Variants in PRKN observed in about 807,000 individuals in gnomAD.
The protein encoded by PRKN is parkin RBR E3 ubiquitin protein ligase.
In PRKN, 56 loss-of-function variants were observed where a neutral mutation model predicts 59.5. The observed-to-expected ratio is 0.94, with a 90% CI of 0.76 to 1.18. The LOEUF is 1.18. PRKN is among the 50% of genes most tolerant of loss of function. PRKN has a pLI of 0.00. For missense variants in PRKN, 657 were observed against 596.4 expected (o/e 1.10, Z -1.06); for synonymous variants, 250 against 222.1 (o/e 1.13, Z -1.12).
intron 6 of PRKN, among the ~76,000 whole-genome samples, chr6:161,913,091 C>T (rs1264918046): frequency 6.6e-6 from 1 of 150,492 alleles, no homozygotes; most frequent in Non-Finnish European, 1.5e-5. Context: ...GGAGAATTGC[C>T]CAGAGGCGGA....
chr6:162,141,247 C>T (rs1192540068), intron 4 of PRKN, among the ~76,000 whole-genome samples: 2 of 152,140 alleles, frequency 1.3e-5, no homozygotes, highest in African/African-American at 4.8e-5. Flanking sequence ...GACTTTCATG[C>T]AACTTCCCCA....
At chr6:162,325,128 A>T (rs1336896600) in intron 2 of PRKN, among the ~76,000 whole-genome samples, 2 of 152,212 alleles carry the variant, frequency 1.3e-5, no homozygotes, top group Non-Finnish European at 2.9e-5. Context: ...TGTTTTCAAC[A>T]ACTTTATTAG....
chr6:161,480,007 C>A lies in PRKN; in HGVS notation c.1083+68847G>T, dbSNP rs1035943198. Among the ~76,000 whole-genome samples the A allele has an allele frequency of 3.3e-5, 5 of 152,188 alleles. No individual in the cohort carries two copies. Among genetic ancestry groups the A allele is most frequent in the African/African-American group, 9.7e-5 (4 of 41,446 alleles). On this transcript the variant is annotated intron_variant, in intron 9 of 11. Transcript: ENST00000366898. This position sits in a 1 kb window ranked among gnomAD's most constrained non-coding sequence, Gnocchi z 4.1. ...CAGCACACAATTCCTTGCTCCCTTC[C>A]CTCTGGTGCGGGATCATGGAAGCCC...
chr6:162,315,167 T>G (rs1464055523), intron 2 of PRKN, among the ~76,000 whole-genome samples: 1 of 152,178 alleles, frequency 6.6e-6, no homozygotes, highest in Non-Finnish European at 1.5e-5. Context: ...TGTGTATAAT[T>G]GTTCTCTGTT....
intron 8 of PRKN, among the ~76,000 whole-genome samples, chr6:161,555,009 T>C (rs762923410): frequency 2.9e-4 from 44 of 152,140 alleles, no homozygotes; most frequent in Non-Finnish European, 5.6e-4. Flanking sequence ...AGGAAAGTTG[T>C]ACTGAATTTA....
intron 3 of PRKN, among the ~76,000 whole-genome samples, chr6:162,210,683 A>G (rs975428372): frequency 1.3e-5 from 2 of 152,192 alleles, no homozygotes; most frequent in Non-Finnish European, 2.9e-5. Flanking sequence ...AAATTTTTCT[A>G]GAATCATATT....
intron 5 of PRKN, among the ~76,000 whole-genome samples, chr6:161,987,966 G>C (rs1174044468): frequency 6.6e-6 from 1 of 152,148 alleles, no homozygotes; most frequent in South Asian, 2.1e-4. Flanking sequence ...GGCAAGAAGA[G>C]GAACTGTTAG....
intron 1 of PRKN, among the ~76,000 whole-genome samples, chr6:162,667,658 CTCTT>C (rs1779152043): frequency 6.6e-6 from 1 of 151,978 alleles, no homozygotes; most frequent in Non-Finnish European, 1.5e-5. Flanking sequence ...TTTGAGTTCC[CTCTT>C]TCTCACTTTT....
intron 6 of PRKN, among the ~76,000 whole-genome samples, chr6:161,833,966 T>C (rs1018336296): frequency 1.3e-5 from 2 of 152,180 alleles, no homozygotes; most frequent in Non-Finnish European, 2.9e-5. Context: ...TCTCAGAATC[T>C]ATGGGAAACC....
intron 3 of PRKN, among the ~76,000 whole-genome samples, chr6:162,212,226 T>A (rs1474271112): frequency 6.6e-6 from 1 of 152,136 alleles, no homozygotes; most frequent in African/African-American, 2.4e-5. Context: ...TGTAGCAGGC[T>A]GAGCTATCCC....
intron 3 of PRKN, among the ~76,000 whole-genome samples, chr6:162,237,475 C>T (rs1416914732): frequency 1.3e-5 from 2 of 152,136 alleles, no homozygotes; most frequent in East Asian, 3.9e-4. Flanking sequence ...TAAATGTTTG[C>T]AATGCCTCAG....
intron 4 of PRKN, among the ~76,000 whole-genome samples, chr6:162,078,525 A>G (rs1778926360): frequency 6.6e-6 from 1 of 152,102 alleles, no homozygotes; most frequent in African/African-American, 2.4e-5. Flanking sequence ...TTTAGATGAC[A>G]TTTACCATTC....
chr6:161,624,457 C>G (rs1376477232), intron 7 of PRKN, among the ~76,000 whole-genome samples: 1 of 152,220 alleles, frequency 6.6e-6, no homozygotes. Flanking sequence ...TGAATATAAA[C>G]TGGGGAGATG....
chr6:161,920,845 A>G (rs970998880), intron 6 of PRKN, among the ~76,000 whole-genome samples: 2 of 152,066 alleles, frequency 1.3e-5, no homozygotes, highest in Admixed American at 6.6e-5. Flanking sequence ...TGGAGCTTAC[A>G]GTACTCCAAG....
At position 161,545,248 on chromosome 6, in the gene PRKN, G is replaced by C; in HGVS notation, c.1083+3606C>G. On this transcript the variant is annotated intron_variant, in intron 9 of 11. Coordinates refer to ENST00000366898, the MANE Select transcript of PRKN (RefSeq NM_004562.3). This position sits in a 1 kb window ranked among gnomAD's most constrained non-coding sequence, Gnocchi z 4.1. The stretch of plus-strand genomic sequence containing the variant: ...AAATTAAGCACGGGTGAATTCACAG[G>C]CATCTTACAATAAATCTGTGAACCA... The C allele has an allele frequency of 7.2e-7, 1 of 1,384,204 alleles. No homozygotes were observed. Among genetic ancestry groups the C allele is most frequent in the Non-Finnish European group, 9.4e-7 (1 of 1,067,832 alleles). The allele number at this position is 1,384,204 out of a possible 1,614,324, so 85.7% of individuals were successfully genotyped here.
At chr6:162,213,761 G>A (rs896257191) in intron 3 of PRKN, among the ~76,000 whole-genome samples, 1 of 140,344 alleles carries the variant, frequency 7.1e-6, no homozygotes, top group African/African-American at 2.6e-5. Flanking sequence ...TGTATATTTT[G>A]TAGAATTATT....
chr6:161,885,754 G>A (rs1157005613), intron 6 of PRKN, among the ~76,000 whole-genome samples: 1 of 151,632 alleles, frequency 6.6e-6, no homozygotes, highest in East Asian at 1.9e-4. Flanking sequence ...GAAAAAATGA[G>A]GATAACTGTT....
At position 161,533,685 on chromosome 6, in the gene PRKN, G is replaced by C. The variant is rs1439447314; in HGVS notation, c.1083+15169C>G. 3.3e-5 allele frequency among the ~76,000 whole-genome samples: 5 copies of C among 152,146 alleles called. No individual in the cohort carries two copies. The South Asian group carries it at 1.0e-3, about 32-fold the overall frequency. ...CTCCTCAAGCCTGCCTATAAAATCT[G>C]CTGGGATCTGCCACCTTAACCCTTT... On this transcript the variant is annotated intron_variant, in intron 9 of 11. Coordinates refer to ENST00000366898, the MANE Select transcript of PRKN (RefSeq NM_004562.3). This position sits in a 1 kb window ranked among gnomAD's most constrained non-coding sequence, Gnocchi z 4.1.
chr6:162,194,722 GT>G (rs1170814768), intron 4 of PRKN, among the ~76,000 whole-genome samples: 1 of 151,912 alleles, frequency 6.6e-6, no homozygotes, highest in African/African-American at 2.4e-5. Context: ...TGTTTACTAT[GT>G]TTTTTATATG....
Sources: allele counts gnomAD v4.1 joint callset (sites outside exome capture counted in the v4.1 genomes callset), GRCh38; gene constraint gnomAD v4.1.1; non-coding constraint Gnocchi (gnomAD v3.1); transcripts MANE v1.5; gene names NCBI Gene and HGNC (gene_info 2026-07-23, HGNC 2026-07-21).